Variants in C8orf88 observed in about 807,000 individuals in gnomAD.
C8orf88 encodes the protein uncharacterized protein C8orf88.
A neutral mutation model predicts 18.4 loss-of-function variants in C8orf88; 14 were observed. That is an observed-to-expected ratio of 0.76 (90% CI 0.50 to 1.19). The LOEUF (loss-of-function observed/expected upper bound fraction) is 1.19. C8orf88 is among the 50% of genes most tolerant of loss of function. The probability of loss-of-function intolerance (pLI) is 0.00; values close to 1 mark genes in which losing one functional copy is unlikely to be tolerated. For synonymous variants in C8orf88, 45 were observed against 42.9 expected (o/e 1.05, Z -0.19); for missense variants, 116 against 134.7 (o/e 0.86, Z 0.69).
intron 2 of C8orf88, among the ~76,000 whole-genome samples, chr8:90,979,704 C>A (rs1002074228): frequency 6.6e-6 from 1 of 152,086 alleles, no homozygotes; most frequent in Non-Finnish European, 1.5e-5. Flanking sequence ...TGTGTATCAC[C>A]TAAAGTAGAC....
intron 1 of C8orf88, among the ~76,000 whole-genome samples, chr8:90,981,866 C>T (rs1482839594): frequency 2.0e-5 from 3 of 152,046 alleles, no homozygotes; most frequent in Non-Finnish European, 4.4e-5. Context: ...TGATTTTGCA[C>T]CTGCTTATCC....
rs1240974987 is a variant in C8orf88 at position 90,971,133 on chromosome 8, C to A, written c.156G>T (p.Thr52=). The A allele has an allele frequency of 6.6e-7, 1 of 1,504,208 alleles. No homozygotes were observed. Among genetic ancestry groups the A allele is most frequent in the Admixed American group, 2.1e-5 (1 of 48,146 alleles). The allele number at this position is 1,504,208 out of a possible 1,614,324, so 93.2% of individuals were successfully genotyped here. A position where few individuals can be genotyped will look rare whatever the true frequency, so the allele number is the denominator to read the frequency against. ...CIQSGVSRCK[T]NGMQAFSQGL... ...CTTGAGAAAAGGCTTGCATTCCATTCGTCTTACACTGTTAAACATGAAGAA... is the reference window on the plus strand; with the variant it reads ...CTTGAGAAAAGGCTTGCATTCCATTAGTCTTACACTGTTAAACATGAAGAA... The change falls in exon 4 of 6, where the codon ACG becomes ACT. Residue 52 remains threonine, a synonymous_variant. Coordinates refer to ENST00000517562, the MANE Select transcript of C8orf88 (RefSeq NM_001190972.2).
chr8:90,980,397 T>A lies in C8orf88; in HGVS notation c.39A>T (p.Pro13=). The stretch of plus-strand genomic sequence containing the variant: ...AAGTCAGATGACGAACAGGTCTTGC[T>A]GGTTGAAGCGGTTTACCAATTAATT... ...TKKLIGKPLQ[P]ARPVRHLTSP... is the part of the protein sequence containing the mutation. Residue 13 remains proline (P), a synonymous_variant, in exon 2 of 6, where the codon CCA becomes CCT. Transcript: ENST00000517562. The A allele has an allele frequency of 2.0e-6, 3 of 1,534,086 alleles. No individual in the cohort carries two copies. The highest frequency in any genetic ancestry group is 2.6e-6 in the Non-Finnish European group (3 of 1,146,064).
upstream of C8orf88, chr8:90,985,368 C>T (rs374183437): frequency 2.6e-5 from 4 of 151,790 alleles, no homozygotes; most frequent in South Asian, 8.0e-4. Context: ...CGAGAGCAGC[C>T]GCACCCCTGC....
intron 4 of C8orf88, among the ~76,000 whole-genome samples, chr8:90,964,257 T>C (rs1005801452): frequency 2.6e-5 from 4 of 151,654 alleles, no homozygotes; most frequent in Non-Finnish European, 5.9e-5. Flanking sequence ...TCAATGAAAA[T>C]CTTGAGGTCA....
intron 3 of C8orf88, among the ~76,000 whole-genome samples, chr8:90,974,315 C>G (rs1811319277): frequency 6.6e-6 from 1 of 152,092 alleles, no homozygotes; most frequent in South Asian, 2.1e-4. Context: ...TCTTGGAACC[C>G]AGATATAGTG....
intron 1 of C8orf88, 113 bp downstream of exon 1, chr8:90,985,001 C>T (rs1811484337): frequency 6.6e-6 from 1 of 152,406 alleles, no homozygotes; most frequent in Non-Finnish European, 1.5e-5. Context: ...GCTTCTCTTC[C>T]TCGCCTCAAC....
intron 4 of C8orf88, among the ~76,000 whole-genome samples, chr8:90,970,732 T>C (rs572327533): frequency 6.6e-6 from 1 of 152,008 alleles, no homozygotes; most frequent in South Asian, 2.1e-4. Flanking sequence ...CTTGGGACCA[T>C]GAGATGGAAG....
At chr8:90,979,095 G>C (rs1335639850) in intron 2 of C8orf88, among the ~76,000 whole-genome samples, 1 of 152,134 alleles carries the variant, frequency 6.6e-6, no homozygotes, top group Non-Finnish European at 1.5e-5. Context: ...AGCGTGTTAA[G>C]AAACACCAAA....
At chr8:90,982,433 A>T (rs1811447413) in intron 1 of C8orf88, among the ~76,000 whole-genome samples, 1 of 152,154 alleles carries the variant, frequency 6.6e-6, no homozygotes, top group African/African-American at 2.4e-5. Flanking sequence ...AAACTAGTGA[A>T]TCAGAATACA....
intron 3 of C8orf88, among the ~76,000 whole-genome samples, chr8:90,976,465 G>A (rs2130319696): frequency 6.6e-6 from 1 of 152,068 alleles, no homozygotes; most frequent in Non-Finnish European, 1.5e-5. Context: ...AGTGAAAGAA[G>A]GTCAATGGTT....
chr8:90,984,103 G>C (rs1006484825), intron 1 of C8orf88, among the ~76,000 whole-genome samples: 1 of 152,108 alleles, frequency 6.6e-6, no homozygotes, highest in Non-Finnish European at 1.5e-5. Context: ...ACTATGCACT[G>C]TTTTTAGAAG....
intron 2 of C8orf88, 95 bp from the exon 3 acceptor site, chr8:90,978,747 A>G (rs1219571312): frequency 3.1e-6 from 2 of 645,188 alleles, no homozygotes; most frequent in Non-Finnish European, 5.0e-6. Flanking sequence ...TATTCTTGGC[A>G]CTGTTTTGAA....
At chr8:90,959,072 T>A in intron 5 of C8orf88, 42 bp from the exon 6 acceptor site, 1 of 922,296 alleles carries the variant, frequency 1.1e-6, no homozygotes, top group Non-Finnish European at 1.6e-6. Flanking sequence ...ATTGATTGAA[T>A]ACAGTTTTTA....
In C8orf88 at chr8:90,958,640, A is replaced by C. The variant is rs1811076639; in HGVS notation, c.*367T>G. The C allele has an allele frequency of 4.3e-6, 1 of 234,272 alleles. No homozygotes were observed. 14.5% of individuals were successfully genotyped at this position (234,272 alleles called of 1,614,324 possible). ...ACAAGCAATTATGTACCATATATAC[A>C]CTGTAGCAAATATTTTATATTTGAG... is the stretch of plus-strand genomic sequence containing the variant. On this transcript the variant is annotated 3_prime_UTR_variant, in exon 6 of 6. Coordinates refer to ENST00000517562, the MANE Select transcript of C8orf88 (RefSeq NM_001190972.2).
chr8:90,959,254 G>GTTC (rs1171272042), intron 5 of C8orf88: 1 of 265,192 alleles, frequency 3.8e-6, no homozygotes, highest in Admixed American at 5.5e-5. Flanking sequence ...TTCCAAACCT[G>GTTC]TTCTTCTGTT....
upstream of C8orf88, chr8:90,985,261 C>G (rs965636357): frequency 1.8e-3 from 5 of 2,840 alleles, no homozygotes; most frequent in African/African-American, 3.1e-3. Context: ...GGGCGAGGGG[C>G]GGGGGGCGAG....
chr8:90,981,015 T>G (rs914364837), intron 1 of C8orf88, among the ~76,000 whole-genome samples: 33 of 152,206 alleles, frequency 2.2e-4, no homozygotes, highest in Non-Finnish European at 7.3e-5. Flanking sequence ...TAGCTAAAAC[T>G]CATCTATGCT....
chr8:90,970,954 A>AT (rs1586162874), intron 4 of C8orf88, 112 bp downstream of exon 4: 1 of 586,170 alleles, frequency 1.7e-6, no homozygotes, highest in East Asian at 3.1e-5. Context: ...TCAATCAAAA[A>AT]ATATATAATA....
Sources: allele counts gnomAD v4.1 joint callset (sites outside exome capture counted in the v4.1 genomes callset), GRCh38; gene constraint gnomAD v4.1.1; transcripts MANE v1.5; gene names NCBI Gene and HGNC (gene_info 2026-07-23, HGNC 2026-07-21).